NBAS: variants seen among roughly 807,000 people sequenced by gnomAD.
The protein encoded by NBAS is NBAS subunit of NRZ tethering complex, also known as NAG/BC035112 fusion.
NBAS carries 219 observed loss-of-function variants against 302.5 expected under a neutral mutation model. The ratio of observed to expected loss-of-function variants is 0.72; its 90% CI spans 0.65 to 0.81. NBAS has a LOEUF of 0.81. NBAS is among the 30% of genes least tolerant of loss of function. The pLI is 0.00. For synonymous variants in NBAS, 1,118 were observed against 1,021.6 expected, an observed-to-expected ratio of 1.09 and a Z score of -1.80; for missense variants, 2,932 against 2,841.6, an observed-to-expected ratio of 1.03 and a Z score of -0.72.
chr2:15,020,910 G>A, the NBAS span, among the ~76,000 whole-genome samples: 2 of 152,118 alleles, frequency 1.3e-5, no homozygotes, highest in Non-Finnish European at 2.9e-5. Context: ...CACTTACTCA[G>A]TGCTTACTCT....
At chr2:15,211,228 A>T (rs2147862928) in intron 48 of NBAS, among the ~76,000 whole-genome samples, 1 of 152,288 alleles carries the variant, frequency 6.6e-6, no homozygotes, top group African/African-American at 2.4e-5. Flanking sequence ...AAGATATCTC[A>T]TGTAACCCAA....
chr2:15,427,541 T>G (rs1297228185), intron 22 of NBAS, among the ~76,000 whole-genome samples, 170 bp downstream of exon 22: 1 of 152,140 alleles, frequency 6.6e-6, no homozygotes, highest in African/African-American at 2.4e-5. Context: ...ATTTTTCCAT[T>G]AAAAAATTTT....
chr2:15,201,354 C>A (rs1201186150), intron 48 of NBAS, among the ~76,000 whole-genome samples: 1 of 152,196 alleles, frequency 6.6e-6, no homozygotes, highest in Non-Finnish European at 1.5e-5. Flanking sequence ...TCTAGCAATA[C>A]CAGACCTCTG....
In NBAS at chr2:15,366,572, A is replaced by T; in HGVS notation, c.3817+8T>A. ...CTTATTCTGCAGTTTAGTACTCAAA[A>T]GACTTACCTGCAACCCTCAGCAGCT... On this transcript the variant is annotated splice_region_variant and intron_variant, in intron 32 of 51. Coordinates refer to ENST00000281513, the MANE Select transcript of NBAS (RefSeq NM_015909.4). The T allele has an allele frequency of 6.2e-7, 1 of 1,609,710 alleles. No homozygotes were observed. Among genetic ancestry groups the T allele is most frequent in the Non-Finnish European group, 8.5e-7 (1 of 1,175,998 alleles).
chr2:15,147,108 A>G, the NBAS span, among the ~76,000 whole-genome samples: 1 of 152,126 alleles, frequency 6.6e-6, no homozygotes, highest in Non-Finnish European at 1.5e-5. Context: ...AAGGAAACCA[A>G]CTGTTCTGGG....
At chr2:14,930,896 T>C in the NBAS span, among the ~76,000 whole-genome samples, 1 of 152,202 alleles carries the variant, frequency 6.6e-6, no homozygotes, top group Admixed American at 6.5e-5. Flanking sequence ...GATGAAGGTA[T>C]ATAATTTTCT....
At chr2:14,785,862 T>C in the NBAS span, among the ~76,000 whole-genome samples, 7 of 152,216 alleles carry the variant, frequency 4.6e-5, no homozygotes, top group Non-Finnish European at 8.8e-5. Flanking sequence ...GATTCCCTCT[T>C]TTTCTATTGA....
chr2:15,008,330 A>G, the NBAS span, among the ~76,000 whole-genome samples: 1 of 152,130 alleles, frequency 6.6e-6, no homozygotes, highest in Non-Finnish European at 1.5e-5. Flanking sequence ...GCTACCAAAG[A>G]CCCATTCCTC....
chr2:15,395,338 G>A (rs775570475), intron 27 of NBAS, among the ~76,000 whole-genome samples: 7 of 152,062 alleles, frequency 4.6e-5, no homozygotes, highest in Non-Finnish European at 2.9e-5. Context: ...AATTTACATT[G>A]ACTCAACCCA....
chr2:15,085,257 T>A, the NBAS span, among the ~76,000 whole-genome samples: 67 of 152,176 alleles, frequency 4.4e-4, no homozygotes, highest in African/African-American at 1.6e-3. Context: ...CGGCACCCAC[T>A]TCAGGGACCC....
chr2:15,095,570 A>T, the NBAS span, among the ~76,000 whole-genome samples: 1 of 152,212 alleles, frequency 6.6e-6, no homozygotes, highest in East Asian at 1.9e-4. Context: ...GGGTGGGGAC[A>T]CAGCCAAACT....
chr2:14,784,436 T>G, the NBAS span, among the ~76,000 whole-genome samples: 64 of 152,312 alleles, frequency 4.2e-4, no homozygotes, highest in Non-Finnish European at 7.9e-4. Context: ...TCTTCTAGGG[T>G]TTTTATGGTT....
At chr2:14,815,248 TCAA>T in the NBAS span, among the ~76,000 whole-genome samples, 1 of 152,166 alleles carries the variant, frequency 6.6e-6, no homozygotes, top group African/African-American at 2.4e-5. Flanking sequence ...GGCATGCACA[TCAA>T]CTCCCATGAT....
chr2:15,005,749 C>A, the NBAS span, among the ~76,000 whole-genome samples: 2 of 152,248 alleles, frequency 1.3e-5, no homozygotes, highest in African/African-American at 2.4e-5. Flanking sequence ...GTTGAGAACA[C>A]TGCACAACTC....
intron 6 of NBAS, among the ~76,000 whole-genome samples, chr2:15,549,538 C>A (rs1443245966): frequency 1.3e-5 from 2 of 151,294 alleles, no homozygotes; most frequent in African/African-American, 4.9e-5. Context: ...CCAGGCTGGG[C>A]AACGTGGCAA....
chr2:14,989,716 A>G, the NBAS span, among the ~76,000 whole-genome samples: 4 of 152,326 alleles, frequency 2.6e-5, no homozygotes, highest in South Asian at 2.1e-4. Context: ...ACAAGCCTTC[A>G]GTATAAAACA....
intron 44 of NBAS, among the ~76,000 whole-genome samples, chr2:15,253,350 G>T (rs901509114): frequency 1.3e-5 from 2 of 152,046 alleles, no homozygotes; most frequent in African/African-American, 4.8e-5. Context: ...TTACTCCCAA[G>T]CTATACCTGC....
intron 44 of NBAS, among the ~76,000 whole-genome samples, chr2:15,274,392 C>T (rs1289173291): frequency 6.6e-6 from 1 of 152,118 alleles, no homozygotes; most frequent in Admixed American, 6.5e-5. Context: ...CTGGGCAGAC[C>T]TGGTGACTTG....
At chr2:14,936,567 C>T in the NBAS span, among the ~76,000 whole-genome samples, 1 of 152,210 alleles carries the variant, frequency 6.6e-6, no homozygotes, top group Non-Finnish European at 1.5e-5. Flanking sequence ...AGAAGCTCAT[C>T]TAATCTCAAA....
Sources: allele counts gnomAD v4.1 joint callset (sites outside exome capture counted in the v4.1 genomes callset), GRCh38; gene constraint gnomAD v4.1.1; transcripts MANE v1.5; gene names NCBI Gene and HGNC (gene_info 2026-07-23, HGNC 2026-07-21).